Variants in YEATS2 observed in about 807,000 individuals in gnomAD.
YEATS2 encodes the protein YEATS domain containing 2.
In YEATS2, 77 loss-of-function variants were observed where a neutral mutation model predicts 163.2. The ratio of observed to expected loss-of-function variants is 0.47; its 90% confidence interval spans 0.39 to 0.57. YEATS2 has a LOEUF of 0.57. Ranked by LOEUF, YEATS2 falls within the 20% of genes least tolerant of loss-of-function variation. The pLI is 0.00. For synonymous variants in YEATS2, 631 were observed against 645.1 expected, an observed-to-expected ratio of 0.98 and a Z score of 0.33; for missense variants, 1,549 against 1,729.8, an observed-to-expected ratio of 0.90 and a Z score of 1.85.
intron 21 of YEATS2, chr3:183,793,186 ACACT>A (rs1329280046): frequency 1.6e-6 from 2 of 1,285,930 alleles, no homozygotes; most frequent in African/African-American, 3.0e-5. Context: ...ATACACACAC[ACACT>A]CACGCATGCA....
intron 15 of YEATS2, among the ~76,000 whole-genome samples, chr3:183,762,835 T>C (rs1049630054): frequency 3.9e-5 from 6 of 152,146 alleles, no homozygotes; most frequent in Admixed American, 1.3e-4. Flanking sequence ...GCGGATTACC[T>C]GAAGGCAGGA....
At chr3:183,778,775 T>C (rs1723267538) in intron 19 of YEATS2, among the ~76,000 whole-genome samples, 1 of 152,166 alleles carries the variant, frequency 6.6e-6, no homozygotes. Context: ...CTTTTCTCTT[T>C]ATTGGAAGAG....
intron 19 of YEATS2, among the ~76,000 whole-genome samples, chr3:183,783,046 A>G (rs1723730032): frequency 6.6e-6 from 1 of 152,204 alleles, no homozygotes; most frequent in Non-Finnish European, 1.5e-5. Context: ...GTCATATCTC[A>G]TTGTGGTCTT....
chr3:183,746,984 T>G (rs1048718958), intron 8 of YEATS2, among the ~76,000 whole-genome samples: 1 of 152,160 alleles, frequency 6.6e-6, no homozygotes, highest in African/African-American at 2.4e-5. Context: ...ACAAGTTCTT[T>G]TTTTAGTGGT....
chr3:183,754,800 C>G lies in YEATS2; in HGVS notation c.1390+435C>G, dbSNP rs549215936. On this transcript the variant is annotated intron_variant, in intron 11 of 30. Transcript: ENST00000305135. ...ATGCTTTATTCTGTCTGTAACCACA[C>G]TAGAAAATTATTCATTCCTATTGTC... 6.9e-4 allele frequency among the ~76,000 whole-genome samples: 105 copies of G among 152,320 alleles called. No homozygotes were observed. In the South Asian group the frequency reaches 0.015, roughly 21 times the overall value.
chr3:183,812,543 G>A lies in YEATS2; in HGVS notation c.*1960G>A, dbSNP rs9874346. 291 of 152,714 alleles carry A rather than the reference G, an allele frequency of 1.9e-3. No individual in the cohort carries two copies. The highest frequency in any genetic ancestry group is 6.6e-3 in the African/African-American group (273 of 41,546). 9.5% of individuals were successfully genotyped at this position (152,714 alleles called of 1,614,324 possible). A position where few individuals can be genotyped will look rare whatever the true frequency, so the allele number is the denominator to read the frequency against. ...TATTAAATGATTTAGCAGTCTCCAC[G>A]TGTGTTAATGTTTCAAACGTGTATC... On this transcript the variant is annotated 3_prime_UTR_variant, in exon 31 of 31. Transcript: ENST00000305135.
Position 183,790,778 on chromosome 3 carries a change from G to A in YEATS2, c.2914-19G>A, listed in dbSNP as rs1323940492. ...CTTTCTTCCTGAACTGTGTTGTTTC[G>A]GACCCCATGGGTGAGCAGTCTGAAG... On this transcript the variant is annotated intron_variant, in intron 20 of 30. Transcript: ENST00000305135. The A allele has an allele frequency of 1.2e-6, 2 of 1,607,378 alleles. No individual in the cohort carries two copies. Among genetic ancestry groups the A allele is most frequent in the Non-Finnish European group, 1.7e-6 (2 of 1,174,772 alleles).
At chr3:183,807,333 A>G (rs263030) in intron 28 of YEATS2, 220,330 of 482,446 alleles carry the variant, frequency 0.46, 51,180 homozygotes, top group Middle Eastern at 0.54. Flanking sequence ...ATGTGAAAAC[A>G]TTGCTTGTTG....
chr3:183,708,424 G>T (rs970564991), intron 1 of YEATS2, among the ~76,000 whole-genome samples: 1 of 152,114 alleles, frequency 6.6e-6, no homozygotes, highest in Admixed American at 6.5e-5. Context: ...TCTAGGACTG[G>T]CTTCTGGGGT....
rs1298779793 is a variant in YEATS2 at position 183,761,594 on chromosome 3, G to A, written c.1744G>A (p.Gly582Arg). 1.2e-6 allele frequency: 2 copies of A among 1,614,002 alleles called. No individual in the cohort carries two copies. The highest frequency in any genetic ancestry group is 1.1e-5 in the South Asian group (1 of 91,078). The change falls in exon 14 of 31, where the codon GGA becomes AGA. Residue 582 changes from glycine (G) to arginine (R), a missense_variant. Transcript: ENST00000305135. ...KVQSPKPITG[G>R]LGAFTKVIIK... is the part of the protein sequence containing the mutation. Reference sequence around the variant, plus strand: ...TCAAAGCCCCAAACCTATAACAGGAGGACTTGGAGCTTTCACAAAAGTGAG... The same window carrying A: ...TCAAAGCCCCAAACCTATAACAGGAAGACTTGGAGCTTTCACAAAAGTGAG...
rs1481582562 is a variant in YEATS2, at chr3:183,789,525, A to T, written c.2914-1272A>T. Among the ~76,000 whole-genome samples the T allele has an allele frequency of 4.5e-4, 30 of 66,326 alleles. No homozygotes were observed. In the South Asian group the frequency reaches 4.9e-3, roughly 11 times the overall value. 43.5% of individuals were successfully genotyped at this position (66,326 alleles called of 152,430 possible). ...TTAGGTTTCAGATTCATTCGAGTTA[A>T]TTTTTTTTTTTTTTTTTTTTTTTTT... is the stretch of plus-strand genomic sequence containing the variant. On this transcript the variant is annotated intron_variant, in intron 20 of 30. Transcript: ENST00000305135.
chr3:183,708,758 G>C (rs535809973), intron 1 of YEATS2, among the ~76,000 whole-genome samples: 7 of 152,218 alleles, frequency 4.6e-5, no homozygotes, highest in Non-Finnish European at 7.4e-5. Context: ...CATCTACTCG[G>C]AAGGCTGAGG....
chr3:183,761,992 CATCAATTCATTA>C, intron 14 of YEATS2, 93 bp from the exon 15 acceptor site: 1 of 1,459,892 alleles, frequency 6.8e-7, no homozygotes, highest in African/African-American at 1.4e-5. Flanking sequence ...TATCAAGTTT[CATCAATTCATTA>C]ATCCCTGCAA....
intron 1 of YEATS2, among the ~76,000 whole-genome samples, chr3:183,708,582 T>C (rs989443163): frequency 2.6e-5 from 4 of 152,188 alleles, no homozygotes; most frequent in Admixed American, 2.6e-4. Context: ...TTAAATGTTT[T>C]GTTTGGGGCC....
intron 15 of YEATS2, among the ~76,000 whole-genome samples, chr3:183,769,850 T>A (rs1047306068): frequency 6.6e-5 from 10 of 151,846 alleles, no homozygotes; most frequent in African/African-American, 2.4e-4. Context: ...CACGCCCAGC[T>A]CATTCCTTGT....
Position 183,798,908 on chromosome 3 carries a change from A to C in YEATS2, c.3244A>C (p.Thr1082Pro), listed in dbSNP as rs775294102. 6.2e-7 allele frequency: 1 copy of C among 1,613,942 alleles called. No individual in the cohort carries two copies. Among genetic ancestry groups the C allele is most frequent in the Admixed American group, 1.7e-5 (1 of 59,996 alleles). Residue 1082 changes from threonine (T) to proline (P), a missense_variant, in exon 23 of 31, where the codon ACC (threonine) becomes CCC (proline). Thr to Pro is a conservative substitution (Grantham distance 38). Transcript: ENST00000305135. ...PVNKVVQSFS[T>P]SKPPAILPVA... is the part of the protein sequence containing the mutation. ...CCCTTTAGTGGTTCAGTCATTTTCT[A>C]CCAGCAAGCCACCTGCCATTCTGCC... is the stretch of plus-strand genomic sequence containing the variant.
chr3:183,808,223 T>C, intron 29 of YEATS2, 119 bp downstream of exon 29: 1 of 784,150 alleles, frequency 1.3e-6, no homozygotes, highest in Non-Finnish European at 2.0e-6. Flanking sequence ...TCGTCTTATT[T>C]GGGCTTAAGT....
Position 183,806,956 on chromosome 3 carries a change from A to G in YEATS2, c.3875A>G (p.Glu1292Gly). 2 of 1,614,186 alleles carry G rather than the reference A, an allele frequency of 1.2e-6. No individual in the cohort carries two copies. The highest frequency in any genetic ancestry group is 1.7e-6 in the Non-Finnish European group (2 of 1,180,032). The change falls in exon 28 of 31, where the codon GAG becomes GGG. Residue 1292 changes from glutamate to glycine, a missense_variant. By Grantham distance (98) the Glu-to-Gly change is moderately conservative. Transcript: ENST00000305135. The stretch of plus-strand genomic sequence containing the variant: ...CAGAAAAGGGAACCCGAGAATGAGG[A>G]GGAGGTGGACATCCTCAGCCTCTCC... ...QFQKREPENE[E>G]EVDILSLSEP... is the part of the protein sequence containing the mutation.
At chr3:183,757,168 G>A (rs1301226019) in intron 12 of YEATS2, among the ~76,000 whole-genome samples, 1 of 152,106 alleles carries the variant, frequency 6.6e-6, no homozygotes, top group Admixed American at 6.5e-5. Flanking sequence ...ATAGGAAAAA[G>A]TCATCCTTGG....
Sources: gnomAD v4.1 joint callset for allele counts (sites outside exome capture counted in the v4.1 genomes callset) on GRCh38, gnomAD v4.1.1 for gene constraint, MANE v1.5 for transcripts, NCBI Gene and HGNC (gene_info 2026-07-23, HGNC 2026-07-21) for gene names.